Variants in NEGR1 observed in about 807,000 individuals in gnomAD.
The protein encoded by NEGR1 is IgLON family member 4.
NEGR1 carries 10 observed loss-of-function variants against 40.9 expected under a neutral mutation model. That is an observed-to-expected ratio of 0.24 (90% CI 0.15 to 0.42). The LOEUF is 0.42. Ranked by LOEUF, NEGR1 falls within the 10% of genes least tolerant of loss-of-function variation. The pLI, the probability that NEGR1 is intolerant of heterozygous loss-of-function variation, is 1.00. For missense variants in NEGR1, 352 were observed against 438.9 expected (o/e 0.80, Z 1.77); for synonymous variants, 185 against 166.8 (o/e 1.11, Z -0.84).
At chr1:72,228,485 T>C (rs1654261082) in intron 1 of NEGR1, among the ~76,000 whole-genome samples, 1 of 152,126 alleles carries the variant, frequency 6.6e-6, no homozygotes, top group South Asian at 2.1e-4. Flanking sequence ...AGAAGGTGGA[T>C]TGTGGGACTT....
chr1:71,646,139 T>C (rs1007669664), intron 4 of NEGR1, among the ~76,000 whole-genome samples: 2 of 151,806 alleles, frequency 1.3e-5, no homozygotes, highest in African/African-American at 2.4e-5. Flanking sequence ...TGTATACATA[T>C]ACACACATAC....
intron 1 of NEGR1, among the ~76,000 whole-genome samples, chr1:72,148,777 G>A (rs907818117): frequency 1.3e-5 from 2 of 152,082 alleles, no homozygotes; most frequent in Admixed American, 6.6e-5. Flanking sequence ...CCTTTGCTCC[G>A]GTTCCCAACA....
intron 1 of NEGR1, among the ~76,000 whole-genome samples, chr1:71,976,706 ACCT>A (rs1413546316): frequency 1.3e-5 from 2 of 152,010 alleles, no homozygotes; most frequent in African/African-American, 4.8e-5. Context: ...TTTTTTTATA[ACCT>A]CCTTTTGTCT....
chr1:71,827,455 T>C (rs369658572), intron 2 of NEGR1, among the ~76,000 whole-genome samples: 2 of 151,918 alleles, frequency 1.3e-5, no homozygotes, highest in East Asian at 3.9e-4. Context: ...CGGTAGATAA[T>C]CACTCTTTAA....
intron 4 of NEGR1, among the ~76,000 whole-genome samples, chr1:71,670,970 G>A (rs1652405835): frequency 6.6e-6 from 1 of 151,982 alleles, no homozygotes; most frequent in Admixed American, 6.6e-5. Context: ...AATTTTTTTG[G>A]TGAATTTCAT....
At chr1:71,828,563 C>A (rs1658725740) in intron 2 of NEGR1, among the ~76,000 whole-genome samples, 1 of 151,746 alleles carries the variant, frequency 6.6e-6, no homozygotes, top group Non-Finnish European at 1.5e-5. Flanking sequence ...CTTTCATGTT[C>A]AGTATACAAT....
chr1:72,217,177 A>G (rs1653848769), intron 1 of NEGR1, among the ~76,000 whole-genome samples: 1 of 151,838 alleles, frequency 6.6e-6, no homozygotes, highest in Admixed American at 6.6e-5. Flanking sequence ...GAATTGAGTT[A>G]TAGTAAGCGT....
At chr1:71,824,213 T>C (rs1398868524) in intron 2 of NEGR1, among the ~76,000 whole-genome samples, 1 of 152,016 alleles carries the variant, frequency 6.6e-6, no homozygotes, top group Non-Finnish European at 1.5e-5. Context: ...GGTAGATATT[T>C]GTTCAGAATA....
At chr1:71,870,677 T>C (rs1298391716) in intron 2 of NEGR1, among the ~76,000 whole-genome samples, 1 of 152,216 alleles carries the variant, frequency 6.6e-6, no homozygotes, top group Non-Finnish European at 1.5e-5. Flanking sequence ...TGTTACACTG[T>C]GTGAAATTAT....
intron 1 of NEGR1, among the ~76,000 whole-genome samples, chr1:72,028,441 G>A (rs906140890): frequency 2.2e-4 from 34 of 152,268 alleles, no homozygotes; most frequent in African/African-American, 7.7e-4. Flanking sequence ...ATACCAGGAG[G>A]TCTGCTATAT....
At chr1:71,412,849 G>C (rs2101265033) in intron 6 of NEGR1, among the ~76,000 whole-genome samples, 1 of 152,154 alleles carries the variant, frequency 6.6e-6, no homozygotes, top group South Asian at 2.1e-4. Context: ...CAATGTATTA[G>C]ATTGTATTAT....
At chr1:72,214,815 A>C (rs573939197) in intron 1 of NEGR1, among the ~76,000 whole-genome samples, 1 of 151,898 alleles carries the variant, frequency 6.6e-6, no homozygotes, top group South Asian at 2.1e-4. Context: ...TGCTATTCCC[A>C]TCAAGCTACC....
intron 1 of NEGR1, among the ~76,000 whole-genome samples, chr1:72,151,265 A>C (rs1288051785): frequency 1.3e-5 from 2 of 151,182 alleles, no homozygotes; most frequent in African/African-American, 4.8e-5. Flanking sequence ...AATATAATTT[A>C]GTTTAATAAA....
At chr1:71,766,829 G>A (rs1193562568) in intron 3 of NEGR1, among the ~76,000 whole-genome samples, 1 of 152,086 alleles carries the variant, frequency 6.6e-6, no homozygotes, top group Non-Finnish European at 1.5e-5. Flanking sequence ...TCTTGTGAGA[G>A]AGTTCTCATG....
intron 2 of NEGR1, among the ~76,000 whole-genome samples, chr1:71,851,041 T>C (rs964313965): frequency 1.3e-5 from 2 of 152,166 alleles, no homozygotes; most frequent in Non-Finnish European, 2.9e-5. Context: ...GTGTTTCCTG[T>C]GGGCCTTTGA....
At chr1:71,525,567 TTCAC>T in intron 6 of NEGR1, among the ~76,000 whole-genome samples, 1 of 151,818 alleles carries the variant, frequency 6.6e-6, no homozygotes, top group Non-Finnish European at 1.5e-5. Flanking sequence ...CTTACCATGC[TTCAC>T]TCACTCTTTC....
intron 1 of NEGR1, among the ~76,000 whole-genome samples, chr1:72,153,931 G>C (rs1651258044): frequency 6.6e-6 from 1 of 151,540 alleles, no homozygotes; most frequent in African/African-American, 2.4e-5. Context: ...GTTGCTCATT[G>C]ATTAGTATAG....
intron 1 of NEGR1, among the ~76,000 whole-genome samples, chr1:72,222,669 T>C (rs953988753): frequency 8.5e-5 from 13 of 152,234 alleles, no homozygotes; most frequent in Admixed American, 5.2e-4. Context: ...TTAGGTTCAC[T>C]ATGTGTCCAA....
chr1:71,648,348 C>T (rs559167422), intron 4 of NEGR1, among the ~76,000 whole-genome samples: 100 of 152,082 alleles, frequency 6.6e-4, no homozygotes, highest in African/African-American at 2.3e-3. Flanking sequence ...TGAGTGTGAG[C>T]TATACACAGA....
Sources: gnomAD v4.1 joint callset for allele counts (sites outside exome capture counted in the v4.1 genomes callset) on GRCh38, gnomAD v4.1.1 for gene constraint, MANE v1.5 for transcripts, NCBI Gene and HGNC (gene_info 2026-07-23, HGNC 2026-07-21) for gene names.